NUP62CL: variants seen among roughly 807,000 people sequenced by gnomAD.
The protein encoded by NUP62CL is nucleoporin 62 C-terminal like.
In NUP62CL, 13 loss-of-function variants were observed where a neutral mutation model predicts 15.3. The ratio of observed to expected loss-of-function variants is 0.85; its 90% CI spans 0.55 to 1.35. NUP62CL has a LOEUF of 1.35. NUP62CL is among the 40% of genes most tolerant of loss of function. NUP62CL has a pLI of 0.00. For synonymous variants in NUP62CL, 54 were observed against 49.2 expected (o/e 1.10, Z -0.41); for missense variants, 123 against 130.6 (o/e 0.94, Z 0.28).
chrX:107,129,619 A>AT lies in NUP62CL; in HGVS notation c.*43-5288dup, dbSNP rs200833186. ...CCAGCTAAAGAGATAAATCCTGAAG[A>AT]TAACAGTTAGAGGTCCCCCAATGAA... On this transcript the variant is annotated intron_variant, in intron 8 of 8. Coordinates refer to ENST00000372466, the MANE Select transcript of NUP62CL (RefSeq NM_017681.3). 8.9e-3 allele frequency among the ~76,000 whole-genome samples: 995 copies of AT among 111,993 alleles called. 8 individuals carry two copies. Among genetic ancestry groups the AT allele is most frequent in the African/African-American group, 0.031 (955 of 30,843 alleles).
intron 3 of NUP62CL, among the ~76,000 whole-genome samples, chrX:107,174,823 G>A (rs181037152): frequency 8.9e-6 from 1 of 111,919 alleles, no homozygotes; most frequent in Non-Finnish European, 1.9e-5. Flanking sequence ...TAGCTTCAAG[G>A]AGTTGTTTCA....
intron 2 of NUP62CL, among the ~76,000 whole-genome samples, chrX:107,181,269 A>C (rs1281451733): frequency 9.1e-6 from 1 of 109,947 alleles, no homozygotes; most frequent in Non-Finnish European, 1.9e-5. Context: ...TAATCTTTTT[A>C]GGCAAAATTC....
chrX:107,189,943 A>AAGAAAGAAAGAAAGAG (rs1476566003), intron 2 of NUP62CL, among the ~76,000 whole-genome samples: 3 of 95,508 alleles, frequency 3.1e-5, no homozygotes, highest in Non-Finnish European at 6.4e-5. Context: ...GAAAGAAAGA[A>AAGAAAGAAAGAAAGAG]AGAGAATCGA....
chrX:107,132,369 G>A, intron 8 of NUP62CL: 1 of 508,849 alleles, frequency 2.0e-6, no homozygotes, highest in East Asian at 3.5e-5. Flanking sequence ...GTCTTTTAAT[G>A]TTTTATTGCA....
chrX:107,147,897 C>T lies in NUP62CL; in HGVS notation c.531-88G>A, dbSNP rs1441812649. The T allele has an allele frequency of 5.8e-6, 4 of 694,878 alleles. No homozygotes were observed. In the African/African-American group the frequency reaches 8.6e-5, roughly 15 times the overall value. 57.3% of individuals were successfully genotyped at this position (694,878 alleles called of 1,213,427 possible). On this transcript the variant is annotated intron_variant, in intron 7 of 8. Transcript: ENST00000372466. ...ATAAGAAATTGACATTAGGAAGTGACTTTTAATTTCTTCTGGTAAGAAATG... is the reference window on the plus strand; with the variant it reads ...ATAAGAAATTGACATTAGGAAGTGATTTTTAATTTCTTCTGGTAAGAAATG...
intron 1 of NUP62CL, among the ~76,000 whole-genome samples, chrX:107,205,599 A>G (rs528357619): frequency 7.2e-5 from 8 of 111,513 alleles, no homozygotes; most frequent in African/African-American, 2.6e-4. Context: ...CTGAATAACC[A>G]AAAGTAACCA....
At chrX:107,167,547 T>C (rs1926545759) in intron 4 of NUP62CL, 102 bp downstream of exon 4, 1 of 584,690 alleles carries the variant, frequency 1.7e-6, no homozygotes, top group Non-Finnish European at 2.6e-6. Context: ...AACTCAGTCA[T>C]TTAGCTAACT....
At chrX:107,165,525 G>A (rs924436731) in intron 4 of NUP62CL, among the ~76,000 whole-genome samples, 4 of 110,333 alleles carry the variant, frequency 3.6e-5, no homozygotes, top group African/African-American at 9.9e-5. Context: ...AAAAAAAGAC[G>A]AAAACTACAG....
chrX:107,135,048 G>A (rs1285566), intron 8 of NUP62CL, among the ~76,000 whole-genome samples: 40,588 of 110,290 alleles, frequency 0.37, 8,133 homozygotes, highest in African/African-American at 0.77. Flanking sequence ...GCTAATTTAT[G>A]TGACATTTTT....
At chrX:107,172,598 T>G (rs976154834) in intron 3 of NUP62CL, among the ~76,000 whole-genome samples, 1 of 111,185 alleles carries the variant, frequency 9.0e-6, no homozygotes, top group African/African-American at 3.3e-5. Context: ...AGCTCCTAAC[T>G]GGCAGAAACA....
At chrX:107,147,624 G>A (rs747325776) in intron 8 of NUP62CL, 119 bp downstream of exon 8, 18 of 488,603 alleles carry the variant, frequency 3.7e-5, no homozygotes, top group South Asian at 3.6e-4. Flanking sequence ...CATACTGTGC[G>A]TTAAGCAACA....
chrX:107,138,361 A>T (rs181301305), intron 8 of NUP62CL, among the ~76,000 whole-genome samples: 12 of 112,159 alleles, frequency 1.1e-4, no homozygotes, highest in East Asian at 5.6e-4. Flanking sequence ...AACTCTACTA[A>T]GAAAATGAAT....
rs140942518 is a variant in NUP62CL at position 107,199,109 on chromosome X, T to C, written c.-91-6037A>G. ...CCACTTTATCACTCAAGTTCTAGAC[T>C]CTCTTATGTAATATAAAGGGGAAAA... On this transcript the variant is annotated intron_variant, in intron 1 of 8. Transcript: ENST00000372466. 1.3e-3 allele frequency among the ~76,000 whole-genome samples: 147 copies of C among 111,364 alleles called. 2 individuals carry two copies. The East Asian group carries it at 0.034, about 26-fold the overall frequency.
chrX:107,139,381 G>T (rs1259535979), intron 8 of NUP62CL, among the ~76,000 whole-genome samples: 1 of 111,903 alleles, frequency 8.9e-6, no homozygotes, highest in African/African-American at 3.2e-5. Flanking sequence ...TATCCTAGTT[G>T]TAATACTGTA....
intron 3 of NUP62CL, among the ~76,000 whole-genome samples, chrX:107,170,605 G>A (rs1202781894): frequency 1.8e-5 from 2 of 110,119 alleles, no homozygotes; most frequent in Admixed American, 1.9e-4. Flanking sequence ...GTACAGACGG[G>A]GTTTCACTGT....
At position 107,124,245 on chromosome X, in the gene NUP62CL, A is replaced by G; in HGVS notation, c.*130T>C. ...TGCTGAAGATATGGTCATTCACTAA[A>G]AAGCAGTGTTGACATTGTGTGCATG... On this transcript the variant is annotated 3_prime_UTR_variant, in exon 9 of 9. Coordinates refer to ENST00000372466, the MANE Select transcript of NUP62CL (RefSeq NM_017681.3). 3.0e-6 allele frequency: 1 copy of G among 338,809 alleles called. No homozygotes were observed. Among genetic ancestry groups the G allele is most frequent in the South Asian group, 2.7e-5 (1 of 36,943 alleles). The allele number at this position is 338,809 out of a possible 1,213,427, so 27.9% of individuals were successfully genotyped here.
chrX:107,161,792 T>C (rs1198222592), intron 4 of NUP62CL, among the ~76,000 whole-genome samples: 1 of 93,543 alleles, frequency 1.1e-5, no homozygotes, highest in East Asian at 3.3e-4. Flanking sequence ...AAAATAATAA[T>C]AATAATAGTA....
chrX:107,198,860 C>A (rs191734993), intron 1 of NUP62CL, among the ~76,000 whole-genome samples: 3 of 112,541 alleles, frequency 2.7e-5, no homozygotes, highest in African/African-American at 9.7e-5. Context: ...CAAGAACCCA[C>A]CAGAAGGAAC....
rs773853316 is a variant in NUP62CL at position 107,174,099 on chromosome X, C to A, written c.58+990G>T. ...TCTCTCTCCCTCCCTCCCTTTCTCT[C>A]TCTCTCCCTCCCTCCCTCTCTCTCC... is the stretch of plus-strand genomic sequence containing the variant. On this transcript the variant is annotated intron_variant, in intron 3 of 8. Coordinates refer to ENST00000372466, the MANE Select transcript of NUP62CL (RefSeq NM_017681.3). Among the ~76,000 whole-genome samples, 143 of 72,697 alleles carry A rather than the reference C, an allele frequency of 2.0e-3. 1 individual carries two copies. The highest frequency in any genetic ancestry group is 7.0e-3 in the African/African-American group (137 of 19,638). The allele number at this position is 72,697 out of a possible 115,157, so 63.1% of individuals were successfully genotyped here.
Sources: allele counts gnomAD v4.1 joint callset (sites outside exome capture counted in the v4.1 genomes callset), GRCh38; gene constraint gnomAD v4.1.1; transcripts MANE v1.5; gene names NCBI Gene and HGNC (gene_info 2026-07-23, HGNC 2026-07-21).